PTPRD: variants seen among roughly 807,000 people sequenced by gnomAD.
The protein encoded by PTPRD is receptor-type tyrosine-protein phosphatase delta.
PTPRD carries 34 observed loss-of-function variants against 214.5 expected under a neutral mutation model. The ratio of observed to expected loss-of-function variants is 0.16; its 90% CI spans 0.12 to 0.21. PTPRD has a LOEUF of 0.21. PTPRD is among the 10% of genes least tolerant of loss of function. PTPRD has a pLI of 1.00. For synonymous variants in PTPRD, 1,128 were observed against 845.7 expected (o/e 1.33, Z -5.79); for missense variants, 2,545 against 2,398.7 (o/e 1.06, Z -1.27).
intron 11 of PTPRD, among the ~76,000 whole-genome samples, chr9:8,834,209 A>G (rs977856425): frequency 6.6e-6 from 1 of 152,082 alleles, no homozygotes; most frequent in Non-Finnish European, 1.5e-5. Context: ...GTTTTTTTCC[A>G]TGATATTAAA....
chr9:9,690,535 T>A (rs1258704514), intron 7 of PTPRD, among the ~76,000 whole-genome samples: 1 of 151,880 alleles, frequency 6.6e-6, no homozygotes, highest in Non-Finnish European at 1.5e-5. Flanking sequence ...TCTTATCCCC[T>A]CAAATCATTG....
At chr9:8,929,817 ATG>A (rs74213259) in intron 11 of PTPRD, among the ~76,000 whole-genome samples, 1 of 91,194 alleles carries the variant, frequency 1.1e-5, no homozygotes, top group African/African-American at 4.0e-5. Flanking sequence ...GTGTATATAT[ATG>A]TGTATATATA....
intron 31 of PTPRD, among the ~76,000 whole-genome samples, chr9:8,468,705 T>G (rs2096593147): frequency 6.7e-6 from 1 of 149,114 alleles, no homozygotes; most frequent in Non-Finnish European, 1.5e-5. Context: ...AATTACTTGA[T>G]CAAATACATT....
chr9:9,301,242 T>C (rs1955172112), intron 9 of PTPRD, among the ~76,000 whole-genome samples: 1 of 151,928 alleles, frequency 6.6e-6, no homozygotes, highest in Non-Finnish European at 1.5e-5. Flanking sequence ...TGAGGATGCA[T>C]TGAATTTAGG....
intron 34 of PTPRD, among the ~76,000 whole-genome samples, chr9:8,446,193 G>A (rs867161797): frequency 6.6e-6 from 1 of 152,174 alleles, no homozygotes; most frequent in African/African-American, 2.4e-5. Context: ...AACTATGTTT[G>A]TGGTACTGCA....
chr9:8,983,466 T>A (rs1421824562), intron 11 of PTPRD, among the ~76,000 whole-genome samples: 1 of 152,052 alleles, frequency 6.6e-6, no homozygotes, highest in African/African-American at 2.4e-5. Context: ...CTTAAGTGAC[T>A]TTTTTGTGTT....
At chr9:10,562,144 A>G (rs1246847404) in intron 2 of PTPRD, among the ~76,000 whole-genome samples, 1 of 152,082 alleles carries the variant, frequency 6.6e-6, no homozygotes, top group Non-Finnish European at 1.5e-5. Context: ...CCTATATGTG[A>G]GACATCCATA....
intron 8 of PTPRD, among the ~76,000 whole-genome samples, chr9:9,428,287 A>T (rs1477569400): frequency 6.6e-6 from 1 of 152,172 alleles, no homozygotes; most frequent in African/African-American, 2.4e-5. Context: ...ACAGATTTTA[A>T]ACCAACAAAG....
At chr9:10,103,402 A>T (rs1343582347) in intron 3 of PTPRD, among the ~76,000 whole-genome samples, 2 of 81,148 alleles carry the variant, frequency 2.5e-5, no homozygotes, top group East Asian at 9.0e-4. Flanking sequence ...TATTTATTTA[A>T]GAGCATTGCA....
chr9:10,110,780 A>T (rs553920949), intron 3 of PTPRD, among the ~76,000 whole-genome samples: 3 of 152,216 alleles, frequency 2.0e-5, no homozygotes, highest in Non-Finnish European at 4.4e-5. Flanking sequence ...GAGAAAAAAC[A>T]GTTAGAAAGG....
intron 8 of PTPRD, among the ~76,000 whole-genome samples, chr9:9,456,542 G>T (rs1437797912): frequency 6.6e-6 from 1 of 151,644 alleles, no homozygotes; most frequent in Non-Finnish European, 1.5e-5. Context: ...AAAGAATATA[G>T]AGTTAAAAAT....
chr9:9,829,629 A>G (rs1038410416), intron 5 of PTPRD, among the ~76,000 whole-genome samples: 5 of 151,860 alleles, frequency 3.3e-5, no homozygotes, highest in African/African-American at 1.2e-4. Context: ...GTTTTTCCAT[A>G]TACAGGATAA....
intron 3 of PTPRD, among the ~76,000 whole-genome samples, chr9:10,279,416 T>C (rs1168890644): frequency 1.3e-5 from 2 of 152,144 alleles, no homozygotes; most frequent in Non-Finnish European, 2.9e-5. Flanking sequence ...TAAGACTTGG[T>C]CAACTGTAAT....
chr9:8,929,704 T>C lies in PTPRD; in HGVS notation c.-104+88993A>G, dbSNP rs144712420. On this transcript the variant is annotated intron_variant, in intron 11 of 45. Transcript: ENST00000381196. ...TTTTATATATGTGTATATATATATG[T>C]GTATATATATATGTGTATATATATA... 9.8e-3 allele frequency among the ~76,000 whole-genome samples: 1,438 copies of C among 146,202 alleles called. 40 individuals are homozygous for C. The highest frequency in any genetic ancestry group is 0.035 in the African/African-American group (1,379 of 39,622).
intron 9 of PTPRD, among the ~76,000 whole-genome samples, chr9:9,259,865 G>A (rs2099979328): frequency 1.3e-5 from 2 of 151,866 alleles, no homozygotes; most frequent in African/African-American, 4.8e-5. Context: ...AGAGATTCCT[G>A]AGCATCTAGG....
intron 4 of PTPRD, among the ~76,000 whole-genome samples, chr9:9,991,444 C>A (rs1236616658): frequency 1.3e-5 from 2 of 151,766 alleles, no homozygotes; most frequent in African/African-American, 4.8e-5. Flanking sequence ...TCACTGCAAC[C>A]ACCGCCTCCC....
intron 14 of PTPRD, among the ~76,000 whole-genome samples, chr9:8,612,825 C>G (rs2095496369): frequency 1.3e-5 from 2 of 152,086 alleles, no homozygotes; most frequent in Admixed American, 6.6e-5. Flanking sequence ...CTTTTTTATG[C>G]AAGACTATTA....
At chr9:8,883,217 T>C (rs904966504) in intron 11 of PTPRD, among the ~76,000 whole-genome samples, 3 of 152,186 alleles carry the variant, frequency 2.0e-5, no homozygotes, top group African/African-American at 7.2e-5. Flanking sequence ...ATAATACCAA[T>C]GGCCATGGTG....
In PTPRD at chr9:8,523,573, G is replaced by A. The variant is rs779286147; in HGVS notation, c.680-49C>T. 1.9e-5 allele frequency: 31 copies of A among 1,607,034 alleles called. 2 individuals carry two copies. The South Asian group carries it at 3.4e-4, about 18-fold the overall frequency. On this transcript the variant is annotated intron_variant, in intron 18 of 45. Transcript: ENST00000381196. ...GCAGAACACAATGAAATGAGGAAAG[G>A]AGAAAAACAAGGGAAACACAGAGAG...
Sources: allele counts gnomAD v4.1 joint callset (sites outside exome capture counted in the v4.1 genomes callset), GRCh38; gene constraint gnomAD v4.1.1; transcripts MANE v1.5; gene names NCBI Gene and HGNC (gene_info 2026-07-23, HGNC 2026-07-21).